SRRM1: variants seen among roughly 807,000 people sequenced by gnomAD.
SRRM1 encodes serine/arginine repetitive matrix protein 1.
Under a neutral mutation model 110.2 loss-of-function variants are expected in SRRM1, and 19 were observed. That is an observed-to-expected ratio of 0.17 (90% CI 0.12 to 0.25). The LOEUF is 0.25. Among genes scored for constraint, SRRM1 ranks in the 10% least tolerant of loss-of-function variants. The pLI, the probability that SRRM1 is intolerant of heterozygous loss-of-function variation, is 1.00. For missense variants in SRRM1, 918 were observed against 1,145.8 expected (o/e 0.80, Z 2.87); for synonymous variants, 443 against 414.9 (o/e 1.07, Z -0.82).
At chr1:24,646,985 G>GA (rs1298687461) in intron 3 of SRRM1, 196 bp downstream of exon 3, 2 of 418,542 alleles carry the variant, frequency 4.8e-6, no homozygotes, top group East Asian at 3.9e-5. Context: ...CTACACAGGT[G>GA]AAAAATCAAA....
Position 24,655,141 on chromosome 1 carries a change from A to C in SRRM1, c.1315+12A>C, listed in dbSNP as rs184486069. ...AACTTCAGGTAAAGGTAAAAATCAA[A>C]CACATATGAAACATGGTCTCTCTTT... is the stretch of plus-strand genomic sequence containing the variant. On this transcript the variant is annotated intron_variant, in intron 9 of 16. Transcript: ENST00000323848. The C allele has an allele frequency of 1.5e-3, 2,418 of 1,612,794 alleles. 4 individuals carry two copies. Among genetic ancestry groups the C allele is most frequent in the Middle Eastern group, 5.8e-3 (35 of 6,056 alleles).
At position 24,664,314 on chromosome 1, in the gene SRRM1, CTT is replaced by C. The variant is rs145123667; in HGVS notation, c.1628+1513_1628+1514del. 7.5e-3 allele frequency among the ~76,000 whole-genome samples: 1,141 copies of C among 152,210 alleles called. 11 individuals carry two copies. The highest frequency in any genetic ancestry group is 0.026 in the African/African-American group (1,086 of 41,520). ...CCCGACCTGCATATCTTTATTGAAACTTTTGATTATTAGTGTCACTGTGACCA... is the reference window on the plus strand; with the variant it reads ...CCCGACCTGCATATCTTTATTGAAACTTGATTATTAGTGTCACTGTGACCA... On this transcript the variant is annotated intron_variant, in intron 12 of 16. Transcript: ENST00000323848.
At position 24,662,724 on chromosome 1, in the gene SRRM1, G is replaced by A. The variant is rs1377966660; in HGVS notation, c.1548G>A (p.Glu516=). 1 of 1,614,182 alleles carries A rather than the reference G, an allele frequency of 6.2e-7. No individual in the cohort carries two copies. Among genetic ancestry groups the A allele is most frequent in the South Asian group, 1.1e-5 (1 of 91,090 alleles). The change falls in exon 12 of 17, where the codon GAG becomes GAA. Residue 516 remains glutamate (E), a synonymous_variant. Transcript: ENST00000323848. The part of the protein sequence containing the change: ...RPKRSHVKNG[E]VGRRRRHSPS... ...AGAGATCCCATGTGAAGAATGGTGAGGTTGGCAGGCGGCGGAGACATTCCC... is the reference window on the plus strand; with the variant it reads ...AGAGATCCCATGTGAAGAATGGTGAAGTTGGCAGGCGGCGGAGACATTCCC...
chr1:24,661,818 A>C (rs1667371116), intron 11 of SRRM1, among the ~76,000 whole-genome samples: 1 of 152,204 alleles, frequency 6.6e-6, no homozygotes, highest in African/African-American at 2.4e-5. Context: ...GACTGGGCGC[A>C]GTGGCTCACA....
intron 12 of SRRM1, among the ~76,000 whole-genome samples, chr1:24,663,942 C>G (rs1003851013): frequency 1.4e-5 from 2 of 147,972 alleles, no homozygotes; most frequent in African/African-American, 4.9e-5. Context: ...AGGCTTTGGC[C>G]CTGTTCAGTC....
intron 5 of SRRM1, 146 bp downstream of exon 5, chr1:24,650,232 A>G (rs777589760): frequency 9.0e-6 from 6 of 669,536 alleles, no homozygotes; most frequent in Non-Finnish European, 1.3e-5. Context: ...TTGCCTCTGG[A>G]CTAAAGAAAT....
Position 24,655,102 on chromosome 1 carries a change from G to C in SRRM1, c.1288G>C (p.Val430Leu). Residue 430 changes from valine to leucine, a missense_variant, in exon 9 of 17, where the codon GTG (valine) becomes CTG (leucine). Val to Leu is a conservative substitution (Grantham distance 32, BLOSUM62 1). Around this residue, in one of 5 missense-constraint regions of SRRM1, gnomAD observed 456 missense variants for 453.5 expected, o/e 1.01. Coordinates refer to ENST00000323848, the MANE Select transcript of SRRM1 (RefSeq NM_005839.4). ...CCGTACAAGAAAAAGTCGTGTTTCT[G>C]TGTCTCCAGGGAGAACTTCAGGTAA... ...SNRTRKSRVS[V>L]SPGRTSGKVT... is the part of the protein sequence containing the mutation. 4 of 1,614,110 alleles carry C rather than the reference G, an allele frequency of 2.5e-6. No homozygotes were observed. The highest frequency in any genetic ancestry group is 4.5e-5 in the East Asian group (2 of 44,894).
intron 14 of SRRM1, 193 bp from the exon 15 acceptor site, chr1:24,669,927 G>C (rs1671895648): frequency 8.5e-6 from 5 of 590,688 alleles, no homozygotes; most frequent in African/African-American, 1.9e-5. Flanking sequence ...AGAATAGATA[G>C]AGGATTATGG....
At chr1:24,659,724 C>G (rs942328265) in intron 9 of SRRM1, among the ~76,000 whole-genome samples, 7 of 151,806 alleles carry the variant, frequency 4.6e-5, no homozygotes, top group Admixed American at 1.3e-4. Context: ...TGAAATGGAA[C>G]AGGGAGAAAG....
intron 12 of SRRM1, among the ~76,000 whole-genome samples, chr1:24,664,080 C>G (rs1668665169): frequency 7.2e-6 from 1 of 139,640 alleles, no homozygotes; most frequent in Non-Finnish European, 1.5e-5. Context: ...ACTGCAACTT[C>G]TGCTTTGTAG....
Position 24,654,954 on chromosome 1 carries a change from C to T in SRRM1, c.1140C>T (p.Ser380=), listed in dbSNP as rs1316840922. 6.2e-7 allele frequency: 1 copy of T among 1,614,192 alleles called. No individual in the cohort carries two copies. Among genetic ancestry groups the T allele is most frequent in the South Asian group, 1.1e-5 (1 of 91,084 alleles). The change falls in exon 9 of 17, where the codon AGC becomes AGT. Residue 380 remains serine (S), a synonymous_variant. Coordinates refer to ENST00000323848, the MANE Select transcript of SRRM1 (RefSeq NM_005839.4). The stretch of plus-strand genomic sequence containing the variant: ...AGAAGCCTCCCAAGAGGACATCCAG[C>T]CCCCCTCGGAAAACTCGTAGGTTAT... ...PPKKPPKRTS[S]PPRKTRRLSP...
intron 9 of SRRM1, 117 bp downstream of exon 9, chr1:24,655,246 A>ATACTC: frequency 8.7e-7 from 1 of 1,155,560 alleles, no homozygotes; most frequent in Non-Finnish European, 1.2e-6. Flanking sequence ...TTTGTATCTA[A>ATACTC]TACTCTCTGT....
At chr1:24,652,768 A>C (rs775048624) in intron 7 of SRRM1, 140 bp downstream of exon 7, 25 of 1,314,066 alleles carry the variant, frequency 1.9e-5, no homozygotes, top group Non-Finnish European at 2.3e-5. Context: ...ATTTGAGGAC[A>C]CTTTTCTGTG....
intron 1 of SRRM1, 50 bp from the exon 2 acceptor site, chr1:24,645,934 T>C: frequency 6.6e-7 from 1 of 1,506,952 alleles, no homozygotes; most frequent in Non-Finnish European, 9.1e-7. Flanking sequence ...TGATAAAAAG[T>C]AAGGATTTAA....
chr1:24,652,238 T>C (rs1557672332), intron 6 of SRRM1, among the ~76,000 whole-genome samples, 196 bp from the exon 7 acceptor site: 1 of 149,296 alleles, frequency 6.7e-6, no homozygotes, highest in Admixed American at 6.7e-5. Flanking sequence ...GAAAAGAAAA[T>C]GTACATGGTT....
chr1:24,669,544 A>G lies in SRRM1; in HGVS notation c.2161A>G (p.Ile721Val), dbSNP rs898133189. The G allele has an allele frequency of 2.5e-6, 4 of 1,604,696 alleles. No individual in the cohort carries two copies. Among genetic ancestry groups the G allele is most frequent in the African/African-American group, 2.7e-5 (2 of 74,592 alleles). Residue 721 changes from isoleucine (I) to valine (V), a missense_variant, in exon 14 of 17, where the codon ATT (isoleucine) becomes GTT (valine). Around this residue, in one of 5 missense-constraint regions of SRRM1, gnomAD observed 357 missense variants for 402.9 expected, o/e 0.89. Transcript: ENST00000323848. The stretch of plus-strand genomic sequence containing the variant: ...GTCCCCGTCTCCAAGTACTAGGCCC[A>G]TTAGGAGAGTCTCCAGGACTCCGGA... ...RQSPSPSTRP[I>V]RRVSRTPEPK... is the part of the protein sequence containing the mutation.
At chr1:24,658,617 C>CT (rs1481725614) in intron 9 of SRRM1, among the ~76,000 whole-genome samples, 1 of 152,140 alleles carries the variant, frequency 6.6e-6, no homozygotes. Flanking sequence ...ACCCAGTTCT[C>CT]TAAGGTGTGG....
Position 24,660,811 on chromosome 1 carries a change from G to GTTT in SRRM1, c.1396+19_1396+21dup. 4.0e-6 allele frequency: 6 copies of GTTT among 1,515,090 alleles called. No homozygotes were observed. Among genetic ancestry groups the GTTT allele is most frequent in the African/African-American group, 2.8e-5 (2 of 70,230 alleles). The allele number at this position is 1,515,090 out of a possible 1,614,324, so 93.9% of individuals were successfully genotyped here. A position where few individuals can be genotyped will look rare whatever the true frequency, so the allele number is the denominator to read the frequency against. Reference sequence around the variant, plus strand: ...GTTATCTGAATCGGGTAAGTTTGTTGTTTTTTTTTGTGATTTTGGTTTGTT... The same window carrying GTTT: ...GTTATCTGAATCGGGTAAGTTTGTTGTTTTTTTTTTTTGTGATTTTGGTTTGTT... On this transcript the variant is annotated intron_variant, in intron 10 of 16. Coordinates refer to ENST00000323848, the MANE Select transcript of SRRM1 (RefSeq NM_005839.4).
intron 12 of SRRM1, among the ~76,000 whole-genome samples, chr1:24,665,221 G>A (rs183987890): frequency 8.6e-5 from 13 of 151,980 alleles, no homozygotes; most frequent in Admixed American, 1.3e-4. Context: ...GAGATCAGAC[G>A]TTTGAGACCA....
Sources: gnomAD v4.1 joint callset for allele counts (sites outside exome capture counted in the v4.1 genomes callset) on GRCh38, gnomAD v4.1.1 for gene constraint, gnomAD v4.1.1 regional missense constraint, MANE v1.5 for transcripts, NCBI Gene and HGNC (gene_info 2026-07-23, HGNC 2026-07-21) for gene names.